Variants in PRDM14 observed in about 807,000 individuals in gnomAD.
PRDM14 encodes PR/SET domain 14.
In PRDM14, 16 loss-of-function variants were observed where a neutral mutation model predicts 48.0. The ratio of observed to expected loss-of-function variants is 0.33; its 90% CI spans 0.23 to 0.51. The LOEUF (loss-of-function observed/expected upper bound fraction) is 0.51. PRDM14 is among the 20% of genes least tolerant of loss of function. The probability of loss-of-function intolerance (pLI) is 0.97; values close to 1 mark genes in which losing one functional copy is unlikely to be tolerated. For missense variants in PRDM14, 566 were observed against 719.6 expected (o/e 0.79, Z 2.44); for synonymous variants, 264 against 276.6 (o/e 0.95, Z 0.45).
chr8:70,066,456 G>T lies in PRDM14; in HGVS notation c.962C>A (p.Thr321Lys), dbSNP rs561719304. The change falls in exon 5 of 8, where the codon ACG becomes AAG. Residue 321 changes from threonine (T) to lysine (K), a missense_variant. By Grantham distance (78) the Thr-to-Lys change is moderately conservative. This residue lies in a region of PRDM14 where 410 missense variants were observed against 424.6 expected (regional missense o/e 0.97). Coordinates refer to ENST00000276594, the MANE Select transcript of PRDM14 (RefSeq NM_024504.4). The part of the protein sequence containing the change: ...LSHFIDGKGG[T>K]GNWMSYVNCA... ...GTTGACATAGGACATCCAGTTCCCC[G>T]TACCTCCTTTTCCATCTATAAAGTG... is the stretch of plus-strand genomic sequence containing the variant. 1 of 1,613,848 alleles carries T rather than the reference G, an allele frequency of 6.2e-7. No individual in the cohort carries two copies. Among genetic ancestry groups the T allele is most frequent in the Non-Finnish European group, 8.5e-7 (1 of 1,179,882 alleles).
At chr8:70,064,092 G>T (rs1435001255) in intron 5 of PRDM14, among the ~76,000 whole-genome samples, 1 of 152,140 alleles carries the variant, frequency 6.6e-6, no homozygotes, top group Non-Finnish European at 1.5e-5. Flanking sequence ...GCTTATGATG[G>T]TTCAGTGGCG....
chr8:70,057,458 T>C (rs967530584), intron 6 of PRDM14, among the ~76,000 whole-genome samples: 2 of 151,198 alleles, frequency 1.3e-5, no homozygotes, highest in Non-Finnish European at 2.9e-5. Flanking sequence ...ACCTCTAGAG[T>C]AACTGGGGCT....
Position 70,064,585 on chromosome 8 carries a change from C to T in PRDM14, c.1183+1650G>A, listed in dbSNP as rs565372139. Among the ~76,000 whole-genome samples the T allele has an allele frequency of 7.0e-4, 101 of 144,078 alleles. 1 individual carries two copies. Among genetic ancestry groups the T allele is most frequent in the African/African-American group, 2.5e-3 (97 of 38,598 alleles). 94.5% of individuals were successfully genotyped at this position (144,078 alleles called of 152,430 possible). On this transcript the variant is annotated intron_variant, in intron 5 of 7. Coordinates refer to ENST00000276594, the MANE Select transcript of PRDM14 (RefSeq NM_024504.4). ...TGTCGCCCAGGCTGGTGTGCAGTGGCGCAATCTCAGCTCACTGCAAGCTCC... is the reference window on the plus strand; with the variant it reads ...TGTCGCCCAGGCTGGTGTGCAGTGGTGCAATCTCAGCTCACTGCAAGCTCC...
In PRDM14 at chr8:70,069,177, G is replaced by C; in HGVS notation, c.684C>G (p.Val228=). 6.6e-7 allele frequency: 1 copy of C among 1,516,808 alleles called. No homozygotes were observed. Among genetic ancestry groups the C allele is most frequent in the Non-Finnish European group, 8.8e-7 (1 of 1,132,590 alleles). The allele number at this position is 1,516,808 out of a possible 1,614,324, so 94.0% of individuals were successfully genotyped here. Residue 228 remains valine, a synonymous_variant, in exon 2 of 8, where the codon GTC becomes GTG. Transcript: ENST00000276594. ...TCCCTTTACCAGAGCTGTCTGGGGG[G>C]ACCAGGAGGCCTGAAATCGCATGGT... ...SLHHAISGLL[V]PPDSSGSDSL...
intron 7 of PRDM14, among the ~76,000 whole-genome samples, chr8:70,053,850 C>T (rs941196601): frequency 1.3e-5 from 2 of 152,120 alleles, no homozygotes; most frequent in African/African-American, 4.8e-5. Flanking sequence ...CTGTAAAAAG[C>T]GTAAATGACT....
At chr8:70,052,338 A>G in intron 7 of PRDM14, 34 bp from the exon 8 acceptor site, 1 of 1,537,736 alleles carries the variant, frequency 6.5e-7, no homozygotes, top group South Asian at 1.2e-5. Context: ...CACAAGAAAA[A>G]GTCAACTTCC....
intron 6 of PRDM14, 54 bp from the exon 7 acceptor site, chr8:70,055,455 A>T: frequency 9.7e-7 from 1 of 1,029,990 alleles, no homozygotes. Context: ...TAACAAGTCC[A>T]TTTCAACCTT....
Position 70,051,858 on chromosome 8 carries a change from G to A in PRDM14, c.*219C>T, listed in dbSNP as rs187135522. On this transcript the variant is annotated 3_prime_UTR_variant, in exon 8 of 8. Transcript: ENST00000276594. Reference sequence around the variant, plus strand: ...GCGATCTCAGCTCACAGCAACCTCCGTCTCCTGTGCTCAAACCATCCTGCC... The same window carrying A: ...GCGATCTCAGCTCACAGCAACCTCCATCTCCTGTGCTCAAACCATCCTGCC... The A allele has an allele frequency of 1.3e-4, 59 of 470,540 alleles. No individual in the cohort carries two copies. The highest frequency in any genetic ancestry group is 9.6e-4 in the Admixed American group (28 of 29,150). The allele number at this position is 470,540 out of a possible 1,614,324, so 29.1% of individuals were successfully genotyped here. A position where few individuals can be genotyped will look rare whatever the true frequency, so the allele number is the denominator to read the frequency against.
chr8:70,056,816 CA>C (rs761330044), intron 6 of PRDM14, among the ~76,000 whole-genome samples: 772 of 75,350 alleles, frequency 0.01, 6 homozygotes, highest in African/African-American at 0.027. Flanking sequence ...GAGACTGTCT[CA>C]AAAAAAAAAA....
At chr8:70,061,830 C>G (rs146905743) in intron 5 of PRDM14, among the ~76,000 whole-genome samples, 1 of 152,204 alleles carries the variant, frequency 6.6e-6, no homozygotes, top group Admixed American at 6.6e-5. Flanking sequence ...CACACCTCCA[C>G]ACCCCAAAAC....
At chr8:70,054,532 T>G (rs1354183539) in intron 7 of PRDM14, among the ~76,000 whole-genome samples, 2 of 151,156 alleles carry the variant, frequency 1.3e-5, no homozygotes, top group African/African-American at 4.9e-5. Context: ...TTTTTTTTTT[T>G]TTTTGGAGAC....
chr8:70,063,004 G>A (rs1019474192), intron 5 of PRDM14, among the ~76,000 whole-genome samples: 6 of 149,808 alleles, frequency 4.0e-5, no homozygotes, highest in African/African-American at 1.5e-4. Context: ...TCACAAGAGT[G>A]GTGCCACAGT....
intron 5 of PRDM14, among the ~76,000 whole-genome samples, 197 bp downstream of exon 5, chr8:70,066,038 G>A (rs1434869750): frequency 2.0e-5 from 3 of 152,186 alleles, no homozygotes; most frequent in Admixed American, 2.0e-4. Context: ...TTTATAAATA[G>A]GAGTAGCTTC....
At chr8:70,055,916 T>C (rs529081771) in intron 6 of PRDM14, among the ~76,000 whole-genome samples, 8 of 152,298 alleles carry the variant, frequency 5.3e-5, no homozygotes, top group East Asian at 3.9e-4. Context: ...CTACAGAACA[T>C]TGGTTAAATC....
intron 5 of PRDM14, 128 bp from the exon 6 acceptor site, chr8:70,058,970 T>C: frequency 1.3e-6 from 1 of 783,878 alleles, no homozygotes; most frequent in Non-Finnish European, 2.0e-6. Context: ...ATTTTCTTTT[T>C]TTGAGACAGA....
At chr8:70,054,811 G>C (rs1383631688) in intron 7 of PRDM14, among the ~76,000 whole-genome samples, 1 of 150,090 alleles carries the variant, frequency 6.7e-6, no homozygotes, top group Non-Finnish European at 1.5e-5. Context: ...GAGCCACCAC[G>C]CCTCCCCACC....
chr8:70,068,331 T>A lies in PRDM14; in HGVS notation c.811A>T (p.Ser271Cys), dbSNP rs1272358335. 1.2e-6 allele frequency: 2 copies of A among 1,614,198 alleles called. No individual in the cohort carries two copies. The highest frequency in any genetic ancestry group is 1.6e-4 in the Middle Eastern group (1 of 6,062). Residue 271 changes from serine (S) to cysteine (C), a missense_variant, in exon 4 of 8, where the codon AGT (serine) becomes TGT (cysteine). Transcript: ENST00000276594. ...GEVPHFGVFC[S>C]SFIAKGVRFG... ...CTGACTCCTTTGGCGATAAAACTAC[T>A]GCAGAACACACCAAAATGTGGGACT...
intron 6 of PRDM14, among the ~76,000 whole-genome samples, 180 bp from the exon 7 acceptor site, chr8:70,055,581 C>T (rs1463295176): frequency 4.0e-5 from 6 of 151,586 alleles, no homozygotes; most frequent in Admixed American, 1.3e-4. Context: ...TCACGGTTCA[C>T]TGCAGCCTGG....
Position 70,068,798 on chromosome 8 carries a change from T to A in PRDM14, c.701-266A>T, listed in dbSNP as rs149877800. On this transcript the variant is annotated intron_variant, in intron 2 of 7. Transcript: ENST00000276594. ...AACCCCATTAGGCAAATTCAAGGAA[T>A]TTGAGGATCAGAGGTAATGCCTGAC... 5.9e-4 allele frequency among the ~76,000 whole-genome samples: 90 copies of A among 152,338 alleles called. No homozygotes were observed. In the Middle Eastern group the frequency reaches 0.02, roughly 35 times the overall value.
Sources: gnomAD v4.1 joint callset for allele counts (sites outside exome capture counted in the v4.1 genomes callset) on GRCh38, gnomAD v4.1.1 for gene constraint, gnomAD v4.1.1 regional missense constraint, MANE v1.5 for transcripts, NCBI Gene and HGNC (gene_info 2026-07-23, HGNC 2026-07-21) for gene names.